Variants in SEC31B observed in about 807,000 individuals in gnomAD.
SEC31B encodes the protein protein transport protein Sec31B.
In SEC31B, 113 loss-of-function variants were observed where a neutral mutation model predicts 135.0. The ratio of observed to expected loss-of-function variants is 0.84; its 90% CI spans 0.72 to 0.98. SEC31B has a LOEUF of 0.98. SEC31B is among the 50% of genes least tolerant of loss of function. The probability of loss-of-function intolerance (pLI) is 0.00; values close to 1 mark genes in which losing one functional copy is unlikely to be tolerated. For missense variants in SEC31B, 1,296 were observed against 1,421.1 expected (o/e 0.91, Z 1.42); for synonymous variants, 508 against 549.4 (o/e 0.92, Z 1.05).
At position 100,515,915 on chromosome 10, in the gene SEC31B, G is replaced by GC. The variant is rs202017442; in HGVS notation, c.203+180_203+181insG. Among the ~76,000 whole-genome samples, 14 of 97,574 alleles carry GC rather than the reference G, an allele frequency of 1.4e-4. No individual in the cohort carries two copies. The East Asian group carries it at 3.0e-3, about 21-fold the overall frequency. 64.0% of individuals were successfully genotyped at this position (97,574 alleles called of 152,430 possible). A position where few individuals can be genotyped will look rare whatever the true frequency, so the allele number is the denominator to read the frequency against. On this transcript the variant is annotated intron_variant, in intron 3 of 25. Transcript: ENST00000370345. ...CACTGCTATTGCTGCTGACTGGAAAGGGGGGGGGTGGTTGTTTTTTAAATC... is the reference window on the plus strand; with the variant it reads ...CACTGCTATTGCTGCTGACTGGAAAGCGGGGGGGGTGGTTGTTTTTTAAATC...
At chr10:100,496,973 G>A (rs1032815059) in intron 17 of SEC31B, among the ~76,000 whole-genome samples, 162 bp downstream of exon 17, 38 of 152,244 alleles carry the variant, frequency 2.5e-4, no homozygotes, top group Non-Finnish European at 4.1e-4. Context: ...TTCTCTGAGG[G>A]AAGAGGAGAA....
intron 9 of SEC31B, chr10:100,505,780 C>A: frequency 2.8e-6 from 4 of 1,417,320 alleles, no homozygotes; most frequent in Non-Finnish European, 3.7e-6. Context: ...AAATAACTGT[C>A]CCAGCAAAGG....
chr10:100,508,391 C>T, intron 5 of SEC31B: 1 of 505,266 alleles, frequency 2.0e-6, no homozygotes. Context: ...AAACAGATAC[C>T]CAAGACCCCA....
At position 100,499,153 on chromosome 10, in the gene SEC31B, A is replaced by G. The variant is rs769148545; in HGVS notation, c.1584+7T>C. 1 of 1,612,922 alleles carries G rather than the reference A, an allele frequency of 6.2e-7. No homozygotes were observed. The highest frequency in any genetic ancestry group is 1.1e-5 in the South Asian group (1 of 90,964). ...CATAGGTCAGGCTGACTGGACTCCT[A>G]CCACACCTGGCTGCAGAAGGCCTGT... On this transcript the variant is annotated splice_region_variant and intron_variant, in intron 13 of 25. Transcript: ENST00000370345.
intron 10 of SEC31B, among the ~76,000 whole-genome samples, 197 bp downstream of exon 10, chr10:100,505,164 G>A (rs758890052): frequency 6.6e-6 from 1 of 152,132 alleles, no homozygotes; most frequent in South Asian, 2.1e-4. Flanking sequence ...GATATAGAAT[G>A]GGTGAAGTGA....
intron 2 of SEC31B, among the ~76,000 whole-genome samples, 179 bp downstream of exon 2, chr10:100,516,695 T>C (rs374733667): frequency 1.1e-4 from 15 of 142,062 alleles, no homozygotes; most frequent in African/African-American, 3.9e-4. Flanking sequence ...CCTTGAGCCA[T>C]AGTCCTAGGC....
At chr10:100,498,871 T>A in intron 13 of SEC31B, 67 bp from the exon 14 acceptor site, 1 of 1,235,206 alleles carries the variant, frequency 8.1e-7, no homozygotes, top group Non-Finnish European at 1.2e-6. Flanking sequence ...GCTGGCTTAG[T>A]AGCCCTGAGA....
chr10:100,508,594 G>T (rs1851677293), intron 5 of SEC31B: 3 of 446,368 alleles, frequency 6.7e-6, no homozygotes, highest in South Asian at 4.9e-5. Flanking sequence ...CACATACAGG[G>T]AGAACAAAGC....
intron 12 of SEC31B, 103 bp downstream of exon 12, chr10:100,499,421 G>T: frequency 9.0e-7 from 1 of 1,110,672 alleles, no homozygotes; most frequent in Non-Finnish European, 1.3e-6. Context: ...GCTCACATAT[G>T]CAATAATAAG....
At chr10:100,498,613 C>T (rs1297003872) in intron 14 of SEC31B, 92 bp downstream of exon 14, 2 of 869,966 alleles carry the variant, frequency 2.3e-6, no homozygotes, top group Non-Finnish European at 3.7e-6. Context: ...AGGCACGAGG[C>T]AGGGGACAAG....
At chr10:100,502,738 C>T (rs1851547369) in intron 10 of SEC31B, among the ~76,000 whole-genome samples, 2 of 152,166 alleles carry the variant, frequency 1.3e-5, no homozygotes, top group South Asian at 2.1e-4. Context: ...CTAACCTGTC[C>T]TGGTACCACC....
chr10:100,496,509 G>A (rs1236496228), intron 17 of SEC31B, 78 bp from the exon 18 acceptor site: 3 of 1,480,704 alleles, frequency 2.0e-6, no homozygotes, highest in Non-Finnish European at 2.8e-6. Flanking sequence ...CTCATTCAGG[G>A]ATCTCCCACT....
rs1851207678 is a variant in SEC31B at position 100,487,717 on chromosome 10, C to T, written c.3439G>A (p.Val1147Met). The change falls in exon 26 of 26, where the codon GTG becomes ATG. Residue 1147 changes from valine (V) to methionine (M), a missense_variant. Transcript: ENST00000370345. Reference protein sequence around the residue: ...DAGSFEQGLAVHAQVAGCSSF... With the variant: ...DAGSFEQGLAMHAQVAGCSSF... ...CTACAGCCCGCCACCTGGGCATGCA[C>T]TGCAAGGCCCTGCTCAAAGCTTCCT... 8 of 1,613,992 alleles carry T rather than the reference C, an allele frequency of 5.0e-6. No individual in the cohort carries two copies. Among genetic ancestry groups the T allele is most frequent in the Non-Finnish European group, 6.8e-6 (8 of 1,179,948 alleles).
In SEC31B at chr10:100,509,031, T is replaced by C. The variant is rs766057278; in HGVS notation, c.471A>G (p.Pro157=). 2.5e-6 allele frequency: 4 copies of C among 1,614,104 alleles called. No homozygotes were observed. The highest frequency in any genetic ancestry group is 3.4e-6 in the Non-Finnish European group (4 of 1,179,994). Residue 157 remains proline, a synonymous_variant, in exon 5 of 26, where the codon CCA becomes CCG. Coordinates refer to ENST00000370345, the MANE Select transcript of SEC31B (RefSeq NM_015490.4). ...CCTGTGACTTGGATCCCAGGGTCAT[T>C]GGCACATTCAAGTTATTCAGATCCC... The part of the protein sequence containing the change: ...FIWDLNNLNV[P]MTLGSKSQQP...
rs1460241118 is a variant in SEC31B at position 100,519,771 on chromosome 10, G to A, written c.-46+11C>T. The A allele has an allele frequency of 6.6e-6, 1 of 152,280 alleles. No homozygotes were observed. The highest frequency in any genetic ancestry group is 1.5e-5 in the Non-Finnish European group (1 of 68,088). The allele number at this position is 152,280 out of a possible 1,614,324, so 9.4% of individuals were successfully genotyped here. A position where few individuals can be genotyped will look rare whatever the true frequency, so the allele number is the denominator to read the frequency against. ...GCTACCAGGGACCCCAGACCGGCGG[G>A]GCGAACCAACCTGTGCGGAAGACCC... On this transcript the variant is annotated intron_variant, in intron 1 of 25. Coordinates refer to ENST00000370345, the MANE Select transcript of SEC31B (RefSeq NM_015490.4).
chr10:100,493,536 T>G lies in SEC31B; in HGVS notation c.2472+1849A>C, dbSNP rs1851345167. Reference sequence around the variant, plus strand: ...AAAAGGATACATATTGCCATGATTCTATTTAAGTAACAATCGTTAAATAAC... The same window carrying G: ...AAAAGGATACATATTGCCATGATTCGATTTAAGTAACAATCGTTAAATAAC... On this transcript the variant is annotated intron_variant, in intron 19 of 25. Transcript: ENST00000370345. 2.0e-5 allele frequency among the ~76,000 whole-genome samples: 3 copies of G among 152,338 alleles called. No homozygotes were observed. In the South Asian group the frequency reaches 6.2e-4, roughly 32 times the overall value.
intron 14 of SEC31B, 130 bp downstream of exon 14, chr10:100,498,575 T>C: frequency 4.5e-6 from 3 of 672,054 alleles, no homozygotes; most frequent in Non-Finnish European, 7.8e-6. Flanking sequence ...GGTAAGCGAC[T>C]CACTCAGCAT....
rs146423915 is a variant in SEC31B, at chr10:100,509,426, G to A, written c.289C>T (p.Leu97Phe). The A allele has an allele frequency of 5.1e-5, 82 of 1,613,988 alleles. No homozygotes were observed. The East Asian group carries it at 6.9e-4, about 14-fold the overall frequency. ...ATGTGGGTCACATTGTATAGAATAA[G>A]CATGCCATTGTCCCCGCCGCCAACA... ...VIVGGGDNGM[L>F]ILYNVTHILS... The change falls in exon 4 of 26, where the codon CTT becomes TTT. Residue 97 changes from leucine (L) to phenylalanine (F), a missense_variant. Physicochemically the swap from Leu to Phe is conservative, Grantham distance 22. Transcript: ENST00000370345.
At chr10:100,515,217 A>G (rs1337366131) in intron 3 of SEC31B, among the ~76,000 whole-genome samples, 3 of 152,078 alleles carry the variant, frequency 2.0e-5, no homozygotes, top group Non-Finnish European at 4.4e-5. Context: ...GCTTGAGCCC[A>G]GGAGGTGGAG....
Sources: gnomAD v4.1 joint callset for allele counts (sites outside exome capture counted in the v4.1 genomes callset) on GRCh38, gnomAD v4.1.1 for gene constraint, MANE v1.5 for transcripts, NCBI Gene and HGNC (gene_info 2026-07-23, HGNC 2026-07-21) for gene names.